GPC6: variants seen among roughly 807,000 people sequenced by gnomAD.
GPC6 encodes glypican 6.
GPC6 carries 14 observed loss-of-function variants against 55.2 expected under a neutral mutation model. That is an observed-to-expected ratio of 0.25 (90% CI 0.17 to 0.40). The LOEUF (loss-of-function observed/expected upper bound fraction) is 0.40. Among genes scored for constraint, GPC6 ranks in the 10% least tolerant of loss-of-function variants. The pLI, the probability that GPC6 is intolerant of heterozygous loss-of-function variation, is 1.00. For synonymous variants in GPC6, 278 were observed against 259.6 expected (o/e 1.07, Z -0.68); for missense variants, 641 against 708.5 (o/e 0.90, Z 1.08).
chr13:93,749,147 G>A (rs1316629863), intron 2 of GPC6, among the ~76,000 whole-genome samples: 1 of 151,874 alleles, frequency 6.6e-6, no homozygotes, highest in East Asian at 1.9e-4. Flanking sequence ...CCATTCTTCA[G>A]ATGTTTCAAC....
At chr13:94,062,719 T>C (rs1371464164) in intron 4 of GPC6, among the ~76,000 whole-genome samples, 3 of 152,190 alleles carry the variant, frequency 2.0e-5, no homozygotes, top group Non-Finnish European at 4.4e-5. Context: ...CTAATGAAAC[T>C]GTAAATCATA....
At chr13:93,854,454 A>C (rs1430185686) in intron 3 of GPC6, among the ~76,000 whole-genome samples, 1 of 151,672 alleles carries the variant, frequency 6.6e-6, no homozygotes, top group Non-Finnish European at 1.5e-5. Flanking sequence ...CTCAAATCAC[A>C]CTTGTTTCTT....
intron 2 of GPC6, among the ~76,000 whole-genome samples, chr13:93,558,965 T>A (rs1241634160): frequency 1.3e-5 from 2 of 152,162 alleles, no homozygotes; most frequent in Non-Finnish European, 2.9e-5. Context: ...TGTATGAGAA[T>A]TTTTATATGT....
chr13:94,381,724 C>T (rs1223598045), intron 6 of GPC6, among the ~76,000 whole-genome samples: 3 of 152,292 alleles, frequency 2.0e-5, no homozygotes, highest in South Asian at 4.2e-4. Context: ...CTCTTCCTAC[C>T]CTTTCTGCAA....
intron 4 of GPC6, among the ~76,000 whole-genome samples, chr13:94,184,998 A>G (rs1254754229): frequency 2.0e-5 from 3 of 152,182 alleles, no homozygotes; most frequent in African/African-American, 4.8e-5. Flanking sequence ...GCAGCAACAC[A>G]GATGGAGGTG....
intron 2 of GPC6, among the ~76,000 whole-genome samples, chr13:93,711,056 T>G (rs767309933): frequency 5.9e-5 from 9 of 151,798 alleles, no homozygotes; most frequent in Non-Finnish European, 1.3e-4. Context: ...TTAAATTCAT[T>G]ACAGATTAAT....
intron 4 of GPC6, among the ~76,000 whole-genome samples, chr13:94,097,076 A>G (rs779951893): frequency 1.6e-4 from 25 of 152,018 alleles, no homozygotes; most frequent in Non-Finnish European, 3.2e-4. Flanking sequence ...ACAGTGCCCA[A>G]CACACAGTAA....
chr13:94,235,287 A>G (rs967883893), intron 4 of GPC6, among the ~76,000 whole-genome samples: 2 of 152,140 alleles, frequency 1.3e-5, no homozygotes, highest in Non-Finnish European at 2.9e-5. Flanking sequence ...CCAAGGACGG[A>G]ATTTTTTAAC....
intron 3 of GPC6, among the ~76,000 whole-genome samples, chr13:93,968,890 G>A (rs556111232): frequency 1.4e-3 from 210 of 152,244 alleles, no homozygotes; most frequent in African/African-American, 4.9e-3. Flanking sequence ...GAATGACATG[G>A]AAACTAAGAG....
chr13:93,963,045 A>G (rs1463186519), intron 3 of GPC6, among the ~76,000 whole-genome samples: 1 of 152,190 alleles, frequency 6.6e-6, no homozygotes, highest in Non-Finnish European at 1.5e-5. Context: ...GAAGCATACC[A>G]GTCTCCTAAG....
intron 1 of GPC6, among the ~76,000 whole-genome samples, chr13:93,335,323 C>T (rs1239573732): frequency 2.6e-5 from 4 of 152,192 alleles, no homozygotes; most frequent in African/African-American, 9.6e-5. Context: ...TAATACACCT[C>T]ACATCATTGA....
intron 4 of GPC6, among the ~76,000 whole-genome samples, chr13:94,251,013 G>A (rs1175818759): frequency 6.6e-6 from 1 of 152,042 alleles, no homozygotes; most frequent in Non-Finnish European, 1.5e-5. Context: ...TGACCAAGAA[G>A]TATAGAACTT....
intron 1 of GPC6, among the ~76,000 whole-genome samples, chr13:93,475,592 T>C (rs1207339063): frequency 3.3e-5 from 5 of 152,340 alleles, no homozygotes; most frequent in South Asian, 2.1e-4. Flanking sequence ...CAACGATCTA[T>C]GTGGCTTTAG....
At chr13:94,240,854 G>A (rs1374475785) in intron 4 of GPC6, among the ~76,000 whole-genome samples, 2 of 152,044 alleles carry the variant, frequency 1.3e-5, no homozygotes, top group Non-Finnish European at 2.9e-5. Flanking sequence ...TTTCCTTTGG[G>A]CCAGCTGGGA....
intron 2 of GPC6, among the ~76,000 whole-genome samples, chr13:93,676,193 ATATATG>A (rs1881623924): frequency 1.7e-5 from 2 of 120,202 alleles, no homozygotes; most frequent in Non-Finnish European, 3.6e-5. Flanking sequence ...ACACACACAT[ATATATG>A]TATGTATGTA....
At chr13:93,418,340 A>G (rs1453183048) in intron 1 of GPC6, among the ~76,000 whole-genome samples, 1 of 151,294 alleles carries the variant, frequency 6.6e-6, no homozygotes. Flanking sequence ...CATTAACTAT[A>G]CCCTATTTTT....
At chr13:94,227,994 A>G (rs1890610459) in intron 4 of GPC6, among the ~76,000 whole-genome samples, 1 of 152,236 alleles carries the variant, frequency 6.6e-6, no homozygotes, top group Non-Finnish European at 1.5e-5. Context: ...CTGCAAGTGA[A>G]GGGAACCAGA....
the GPC6 span, among the ~76,000 whole-genome samples, chr13:93,219,814 T>C: frequency 2.0e-5 from 3 of 152,150 alleles, no homozygotes; most frequent in East Asian, 3.9e-4. Context: ...TTGTTTTTTT[T>C]CTAATCAAAC....
intron 2 of GPC6, among the ~76,000 whole-genome samples, chr13:93,699,873 A>AT (rs762417223): frequency 2.0e-4 from 30 of 151,740 alleles, no homozygotes; most frequent in African/African-American, 7.0e-4. Flanking sequence ...TAATGACATT[A>AT]TTTTTTTTCT....
Sources: gnomAD v4.1 joint callset for allele counts (sites outside exome capture counted in the v4.1 genomes callset) on GRCh38, gnomAD v4.1.1 for gene constraint, MANE v1.5 for transcripts, NCBI Gene and HGNC (gene_info 2026-07-23, HGNC 2026-07-21) for gene names.